ZFYVE16: variants seen among roughly 807,000 people sequenced by gnomAD.
ZFYVE16 encodes zinc finger FYVE domain-containing protein 16.
ZFYVE16 carries 89 observed loss-of-function variants against 138.1 expected under a neutral mutation model. The observed-to-expected ratio is 0.64, with a 90% CI of 0.54 to 0.77. The LOEUF (loss-of-function observed/expected upper bound fraction) is 0.77, where lower values mean the gene tolerates loss of function less well. ZFYVE16 is among the 30% of genes least tolerant of loss of function. The pLI is 0.00. For synonymous variants in ZFYVE16, 596 were observed against 618.3 expected, an observed-to-expected ratio of 0.96 and a Z score of 0.53; for missense variants, 1,793 against 1,786.7, an observed-to-expected ratio of 1.00 and a Z score of -0.06.
At chr5:80,445,158 C>A in intron 6 of ZFYVE16, 105 bp from the exon 7 acceptor site, 1 of 1,281,280 alleles carries the variant, frequency 7.8e-7, no homozygotes, top group Non-Finnish European at 1.1e-6. Context: ...TCAGGGGTTG[C>A]CAGTGGATAG....
rs376635939 is a variant in ZFYVE16 at position 80,434,266 on chromosome 5, T to C, written c.70+49T>C. ...CGCTAATGGGATTTAAAAATATCTG[T>C]AATTAAGTTATCTCAGGTATACAGT... On this transcript the variant is annotated intron_variant, in intron 3 of 18. Coordinates refer to ENST00000505560, the MANE Select transcript of ZFYVE16 (RefSeq NM_001284236.3). The C allele has an allele frequency of 1.0e-4, 164 of 1,587,634 alleles. 1 individual carries two copies. Among genetic ancestry groups the C allele is most frequent in the Non-Finnish European group, 3.1e-5 (36 of 1,157,226 alleles).
At chr5:80,449,153 A>G (rs1177481202) in intron 8 of ZFYVE16, among the ~76,000 whole-genome samples, 1 of 151,856 alleles carries the variant, frequency 6.6e-6, no homozygotes, top group African/African-American at 2.4e-5. Flanking sequence ...CTACCTGGTC[A>G]CTGATATAGG....
chr5:80,456,118 T>C (rs1752504922), intron 12 of ZFYVE16: 1 of 297,360 alleles, frequency 3.4e-6, no homozygotes, highest in African/African-American at 2.2e-5. Context: ...AGTCTTGTGA[T>C]TTTGAGCAAA....
At position 80,448,086 on chromosome 5, in the gene ZFYVE16, G is replaced by C; in HGVS notation, c.2785G>C (p.Gly929Arg). 2 of 1,613,706 alleles carry C rather than the reference G, an allele frequency of 1.2e-6. No homozygotes were observed. Among genetic ancestry groups the C allele is most frequent in the Non-Finnish European group, 1.7e-6 (2 of 1,179,816 alleles). ...TTVEKPNNET[G>R]DITRNEIIQS... Reference sequence around the variant, plus strand: ...AGTGGAAAAGCCAAACAATGAGACAGGAGATATTACAAGAAATGAGATAAT... The same window carrying C: ...AGTGGAAAAGCCAAACAATGAGACACGAGATATTACAAGAAATGAGATAAT... Residue 929 changes from glycine (G) to arginine (R), a missense_variant, in exon 8 of 19, where the codon GGA becomes CGA. This residue lies in a region of ZFYVE16 where 1,295 missense variants were observed against 1,204.3 expected (regional missense o/e 1.08). Transcript: ENST00000505560.
chr5:80,453,529 G>T (rs1308835231), intron 11 of ZFYVE16, among the ~76,000 whole-genome samples: 1 of 152,134 alleles, frequency 6.6e-6, no homozygotes, highest in Non-Finnish European at 1.5e-5. Flanking sequence ...CATAAATCAC[G>T]GGGACTGAAA....
intron 1 of ZFYVE16, among the ~76,000 whole-genome samples, chr5:80,422,526 GT>G (rs1301627897): frequency 1.3e-5 from 2 of 151,910 alleles, no homozygotes; most frequent in Non-Finnish European, 2.9e-5. Flanking sequence ...GTGATCTCGG[GT>G]CACTGCAACC....
chr5:80,481,912 A>C lies in ZFYVE16; in HGVS notation c.*4535A>C, dbSNP rs972597438. Among the ~76,000 whole-genome samples the C allele has an allele frequency of 8.5e-5, 13 of 152,110 alleles. No homozygotes were observed. Among genetic ancestry groups the C allele is most frequent in the African/African-American group, 2.9e-4 (12 of 41,412 alleles). On this transcript the variant is annotated 3_prime_UTR_variant, in exon 19 of 19. Transcript: ENST00000505560. Reference sequence around the variant, plus strand: ...TTGGCTCACTGCAACCTCCACCCCCAGGGTGCAAGTGATTCTCCTGTCTCA... The same window carrying C: ...TTGGCTCACTGCAACCTCCACCCCCCGGGTGCAAGTGATTCTCCTGTCTCA...
At chr5:80,420,695 T>C (rs945897922) in intron 1 of ZFYVE16, among the ~76,000 whole-genome samples, 3 of 152,198 alleles carry the variant, frequency 2.0e-5, no homozygotes, top group African/African-American at 4.8e-5. Context: ...CAGTCTATCA[T>C]TGATGGACAT....
At chr5:80,445,485 CTT>C (rs34312342) in intron 7 of ZFYVE16, 80 bp downstream of exon 7, 57,054 of 968,438 alleles carry the variant, frequency 0.059, 111 homozygotes, top group African/African-American at 0.086. Flanking sequence ...TATTAGAGTG[CTT>C]TTTTTTTTTT....
In ZFYVE16 at chr5:80,447,722, T is replaced by C. The variant is rs1485458798; in HGVS notation, c.2725-304T>C. 3.9e-5 allele frequency among the ~76,000 whole-genome samples: 6 copies of C among 152,190 alleles called. No homozygotes were observed. The East Asian group carries it at 1.2e-3, about 29-fold the overall frequency. On this transcript the variant is annotated intron_variant, in intron 7 of 18. Transcript: ENST00000505560. The stretch of plus-strand genomic sequence containing the variant: ...TGAACTAAGCTTGCTCACTGTGTGA[T>C]ATGGTATGGGATCTTGAAGTTCTTC...
chr5:80,424,917 A>G (rs1212938717), intron 1 of ZFYVE16, among the ~76,000 whole-genome samples: 1 of 152,236 alleles, frequency 6.6e-6, no homozygotes, highest in Non-Finnish European at 1.5e-5. Flanking sequence ...TCTGAAGTGT[A>G]CCTGTTAGTT....
Position 80,480,178 on chromosome 5 carries a change from T to A in ZFYVE16, c.*2801T>A, listed in dbSNP as rs1457437305. ...ATGAAAACAAACTCACAGATATAGG[T>A]ATTAGATTTGTTTTCTTTGTTTAAG... On this transcript the variant is annotated 3_prime_UTR_variant, in exon 19 of 19. Coordinates refer to ENST00000505560, the MANE Select transcript of ZFYVE16 (RefSeq NM_001284236.3). Among the ~76,000 whole-genome samples the A allele has an allele frequency of 2.0e-5, 3 of 151,954 alleles. No individual in the cohort carries two copies. The highest frequency in any genetic ancestry group is 2.0e-4 in the Admixed American group (3 of 15,266).
chr5:80,407,828 A>G (rs987254153), upstream of ZFYVE16, among the ~76,000 whole-genome samples: 1 of 152,164 alleles, frequency 6.6e-6, no homozygotes, highest in Non-Finnish European at 1.5e-5. Context: ...GTCCCGACCT[A>G]AGGTCGAATC....
At chr5:80,446,433 A>T (rs1751361099) in intron 7 of ZFYVE16, among the ~76,000 whole-genome samples, 1 of 152,202 alleles carries the variant, frequency 6.6e-6, no homozygotes, top group Admixed American at 6.5e-5. Flanking sequence ...TTTTTTTCAG[A>T]ACAAAAGTTT....
At position 80,480,586 on chromosome 5, in the gene ZFYVE16, A is replaced by T. The variant is rs1755230069; in HGVS notation, c.*3209A>T. Among the ~76,000 whole-genome samples the T allele has an allele frequency of 1.3e-5, 2 of 152,204 alleles. No homozygotes were observed. The highest frequency in any genetic ancestry group is 2.9e-5 in the Non-Finnish European group (2 of 68,032). On this transcript the variant is annotated 3_prime_UTR_variant, in exon 19 of 19. Transcript: ENST00000505560. Reference sequence around the variant, plus strand: ...AAGACATGACCCCACACATTCTAGAAGCCAGACAAATCCCAAACAGAATAA... The same window carrying T: ...AAGACATGACCCCACACATTCTAGATGCCAGACAAATCCCAAACAGAATAA...
rs1381117850 is a variant in ZFYVE16, at chr5:80,480,286, A to C, written c.*2909A>C. 6.6e-6 allele frequency among the ~76,000 whole-genome samples: 1 copy of C among 152,210 alleles called. No homozygotes were observed. Among genetic ancestry groups the C allele is most frequent in the African/African-American group, 2.4e-5 (1 of 41,456 alleles). On this transcript the variant is annotated 3_prime_UTR_variant, in exon 19 of 19. Coordinates refer to ENST00000505560, the MANE Select transcript of ZFYVE16 (RefSeq NM_001284236.3). ...TGGAGCTAATCTGGAAAAGAACTGA[A>C]TATAAACATTACAAGAATATACATA...
In ZFYVE16 at chr5:80,424,404, A is replaced by G. The variant is rs143438531; in HGVS notation, c.-93-3088A>G. Among the ~76,000 whole-genome samples the G allele has an allele frequency of 2.9e-3, 435 of 150,726 alleles. 2 individuals carry two copies. Among genetic ancestry groups the G allele is most frequent in the African/African-American group, 0.01 (418 of 41,168 alleles). On this transcript the variant is annotated intron_variant, in intron 1 of 18. Coordinates refer to ENST00000505560, the MANE Select transcript of ZFYVE16 (RefSeq NM_001284236.3). ...GTTGCATTGCTTTTTTGTCTCTGAG[A>G]ATATTAATTAGCTTCTTTGAAGTTT... is the stretch of plus-strand genomic sequence containing the variant.
In ZFYVE16 at chr5:80,437,858, T is replaced by G. The variant is rs1487519362; in HGVS notation, c.1173T>G (p.Ser391Arg). 6.2e-7 allele frequency: 1 copy of G among 1,614,060 alleles called. No individual in the cohort carries two copies. The highest frequency in any genetic ancestry group is 1.7e-5 in the Admixed American group (1 of 59,990). ...SGSMCGSLIE[S>R]KARGDFLPQH... ...CTATGTGTGGATCATTAATTGAAAG[T>G]AAAGCACGGGGTGATTTTTTACCTC... The change falls in exon 4 of 19, where the codon AGT (serine) becomes AGG (arginine). Residue 391 changes from serine (S) to arginine (R), a missense_variant. Ser to Arg is a moderately radical substitution (Grantham distance 110). Around this residue, in one of 2 missense-constraint regions of ZFYVE16, gnomAD observed 1,295 missense variants for 1,204.3 expected, o/e 1.08. Coordinates refer to ENST00000505560, the MANE Select transcript of ZFYVE16 (RefSeq NM_001284236.3).
At chr5:80,468,222 T>C (rs1433883035) in intron 15 of ZFYVE16, among the ~76,000 whole-genome samples, 1 of 152,240 alleles carries the variant, frequency 6.6e-6, no homozygotes, top group Non-Finnish European at 1.5e-5. Flanking sequence ...TGGCACATTT[T>C]CCATTTTCAG....
Sources: allele counts gnomAD v4.1 joint callset (sites outside exome capture counted in the v4.1 genomes callset), GRCh38; gene constraint gnomAD v4.1.1; regional missense constraint gnomAD v4.1.1; transcripts MANE v1.5; gene names NCBI Gene and HGNC (gene_info 2026-07-23, HGNC 2026-07-21).